The following ELAVL2 variants were observed in gnomAD, a reference collection of about 807,000 sequenced individuals.
ELAVL2 encodes the protein ELAV like RNA binding protein 2.
Under a neutral mutation model 34.6 loss-of-function variants are expected in ELAVL2, and 4 were observed. The observed-to-expected ratio is 0.12, with a 90% CI of 0.06 to 0.26. The LOEUF is 0.26. Ranked by LOEUF, ELAVL2 falls within the 10% of genes least tolerant of loss-of-function variation. The pLI is 1.00. For missense variants in ELAVL2, 432 were observed against 442.8 expected (o/e 0.98, Z 0.22); for synonymous variants, 193 against 154.8 (o/e 1.25, Z -1.83).
At chr9:23,745,503 T>C (rs1394850035) in intron 2 of ELAVL2, among the ~76,000 whole-genome samples, 1 of 152,138 alleles carries the variant, frequency 6.6e-6, no homozygotes, top group East Asian at 1.9e-4. Flanking sequence ...GATTCTTTTT[T>C]GAACAATTAC....
chr9:23,834,460 A>T, the ELAVL2 span, among the ~76,000 whole-genome samples: 1 of 151,968 alleles, frequency 6.6e-6, no homozygotes. Flanking sequence ...CTAATCTATA[A>T]AATTGTGATA....
chr9:23,765,024 T>C, intron 1 of ELAVL2: 1 of 1,609,592 alleles, frequency 6.2e-7, no homozygotes, highest in East Asian at 2.2e-5. Context: ...TCCAAGGCTC[T>C]GCTGCCCACG....
At chr9:23,708,789 G>A (rs924983423) in intron 3 of ELAVL2, among the ~76,000 whole-genome samples, 1 of 151,972 alleles carries the variant, frequency 6.6e-6, no homozygotes, top group Non-Finnish European at 1.5e-5. Context: ...TTACAGGCAT[G>A]TACCACCACA....
intron 2 of ELAVL2, among the ~76,000 whole-genome samples, chr9:23,740,871 C>G (rs1233267311): frequency 6.6e-6 from 1 of 152,194 alleles, no homozygotes; most frequent in African/African-American, 2.4e-5. Flanking sequence ...AAAACGGTCT[C>G]CCACACAAGA....
chr9:23,704,361 G>C (rs2038585423), intron 4 of ELAVL2, among the ~76,000 whole-genome samples: 1 of 152,184 alleles, frequency 6.6e-6, no homozygotes, highest in South Asian at 2.1e-4. Flanking sequence ...GAGTTTTAAT[G>C]AACATTTTAG....
At chr9:23,811,191 T>TG (rs1656403737) in intron 1 of ELAVL2, among the ~76,000 whole-genome samples, 1 of 152,124 alleles carries the variant, frequency 6.6e-6, no homozygotes, top group African/African-American at 2.4e-5. Flanking sequence ...CCAAACTGTT[T>TG]GGGAAAAAAT....
At chr9:23,781,849 T>TA (rs1740286758) in intron 1 of ELAVL2, among the ~76,000 whole-genome samples, 1 of 152,028 alleles carries the variant, frequency 6.6e-6, no homozygotes. Flanking sequence ...CACGCCCGGC[T>TA]AATTTTTTGT....
the ELAVL2 span, among the ~76,000 whole-genome samples, chr9:23,836,695 G>T: frequency 6.6e-6 from 1 of 151,922 alleles, no homozygotes; most frequent in African/African-American, 2.4e-5. Context: ...GTGTGGTTTA[G>T]AGCAAATAAA....
chr9:23,795,898 A>G (rs1408993474), intron 1 of ELAVL2, among the ~76,000 whole-genome samples: 1 of 152,192 alleles, frequency 6.6e-6, no homozygotes, highest in Non-Finnish European at 1.5e-5. Flanking sequence ...TCCTCTTCAC[A>G]GCCCGCTCTG....
chr9:23,712,691 T>A (rs1394071365), intron 3 of ELAVL2, among the ~76,000 whole-genome samples: 1 of 152,166 alleles, frequency 6.6e-6, no homozygotes, highest in Non-Finnish European at 1.5e-5. Context: ...GAAAACAGAA[T>A]GGCAACTGGC....
At chr9:23,698,706 C>G (rs1287246135) in intron 5 of ELAVL2, among the ~76,000 whole-genome samples, 1 of 152,072 alleles carries the variant, frequency 6.6e-6, no homozygotes, top group Non-Finnish European at 1.5e-5. Flanking sequence ...ACCAACAAAA[C>G]AAGCAAGCCC....
chr9:23,834,126 C>T, the ELAVL2 span, among the ~76,000 whole-genome samples: 10 of 151,886 alleles, frequency 6.6e-5, no homozygotes, highest in East Asian at 9.7e-4. Context: ...TTATATTTTA[C>T]GAAATGATAG....
chr9:23,781,493 A>T (rs1339171665), intron 1 of ELAVL2, among the ~76,000 whole-genome samples: 1 of 151,716 alleles, frequency 6.6e-6, no homozygotes, highest in Non-Finnish European at 1.5e-5. Context: ...TAGCATATTT[A>T]AGAAAAGTTT....
At chr9:23,734,079 A>C (rs968429172) in intron 2 of ELAVL2, among the ~76,000 whole-genome samples, 1 of 152,188 alleles carries the variant, frequency 6.6e-6, no homozygotes, top group Non-Finnish European at 1.5e-5. Context: ...TATTATCCTA[A>C]GCAAAATAAT....
Position 23,764,286 on chromosome 9 carries a change from T to G in ELAVL2, c.-15-2037A>C, listed in dbSNP as rs191690536. Among the ~76,000 whole-genome samples the G allele has an allele frequency of 7.2e-5, 11 of 152,292 alleles. No individual in the cohort carries two copies. In the East Asian group the frequency reaches 1.9e-3, roughly 27 times the overall value. ...TTGGGATAGCATTTGAAATACAAAG[T>G]GTTCATTGACTGAAATCAGCAAGAT... On this transcript the variant is annotated intron_variant, in intron 1 of 6. Transcript: ENST00000397312.
At chr9:23,739,978 A>T (rs907150953) in intron 2 of ELAVL2, among the ~76,000 whole-genome samples, 5 of 152,172 alleles carry the variant, frequency 3.3e-5, no homozygotes, top group African/African-American at 1.2e-4. Context: ...CATTTTGTCA[A>T]GAACGGGAAA....
intron 1 of ELAVL2, among the ~76,000 whole-genome samples, chr9:23,771,756 G>C (rs940219635): frequency 6.6e-6 from 1 of 152,144 alleles, no homozygotes; most frequent in African/African-American, 2.4e-5. Flanking sequence ...AAACAAAGTG[G>C]ATGAAGATTA....
chr9:23,791,579 C>A (rs2060325531), intron 1 of ELAVL2, among the ~76,000 whole-genome samples: 1 of 152,050 alleles, frequency 6.6e-6, no homozygotes, highest in Non-Finnish European at 1.5e-5. Flanking sequence ...TAAATGAGGT[C>A]ATAAGTGTAA....
At chr9:23,828,276 TTCC>T (rs1292810640), upstream of ELAVL2, among the ~76,000 whole-genome samples, 2 of 152,212 alleles carry the variant, frequency 1.3e-5, no homozygotes, top group Admixed American at 1.3e-4. Context: ...TGAATTGTCT[TTCC>T]TCCTTTTTAC....
Sources: allele counts gnomAD v4.1 joint callset (sites outside exome capture counted in the v4.1 genomes callset), GRCh38; gene constraint gnomAD v4.1.1; transcripts MANE v1.5; gene names NCBI Gene and HGNC (gene_info 2026-07-23, HGNC 2026-07-21).